CYP39A1: variants seen among roughly 807,000 people sequenced by gnomAD.
The protein encoded by CYP39A1 is cytochrome P450 family 39 subfamily A member 1.
CYP39A1 carries 49 observed loss-of-function variants against 58.1 expected under a neutral mutation model. The observed-to-expected ratio is 0.84, with a 90% CI of 0.67 to 1.07. The LOEUF (loss-of-function observed/expected upper bound fraction) is 1.07. Ranked by LOEUF, CYP39A1 falls within the 50% of genes least tolerant of loss-of-function variation. The pLI is 0.00. For synonymous variants in CYP39A1, 209 were observed against 187.6 expected, an observed-to-expected ratio of 1.11 and a Z score of -0.93; for missense variants, 531 against 539.4, an observed-to-expected ratio of 0.98 and a Z score of 0.16.
intron 7 of CYP39A1, among the ~76,000 whole-genome samples, chr6:46,607,464 TAC>T (rs3839568): frequency 9.6e-4 from 139 of 145,048 alleles, no homozygotes; most frequent in Middle Eastern, 3.5e-3. Context: ...CCCTTCCCCC[TAC>T]ACACACACAC....
chr6:46,649,253 C>T (rs946475425), intron 1 of CYP39A1, among the ~76,000 whole-genome samples: 1 of 152,180 alleles, frequency 6.6e-6, no homozygotes, highest in Admixed American at 6.5e-5. Flanking sequence ...GCCTTGTAGG[C>T]CTCTCTATAA....
chr6:46,629,873 C>T (rs1262603684), intron 6 of CYP39A1, among the ~76,000 whole-genome samples: 1 of 151,614 alleles, frequency 6.6e-6, no homozygotes, highest in Non-Finnish European at 1.5e-5. Flanking sequence ...AAACTGTTGG[C>T]ACTGAACATG....
chr6:46,613,313 C>T (rs1255091709), intron 7 of CYP39A1, among the ~76,000 whole-genome samples: 1 of 152,112 alleles, frequency 6.6e-6, no homozygotes, highest in Non-Finnish European at 1.5e-5. Context: ...ACAGTGGTAC[C>T]AAAAACCACT....
At chr6:46,611,980 A>C (rs1189849822) in intron 7 of CYP39A1, among the ~76,000 whole-genome samples, 3 of 152,248 alleles carry the variant, frequency 2.0e-5, no homozygotes, top group Non-Finnish European at 2.9e-5. Context: ...TTGTGTCTAA[A>C]TGAAAAAATG....
intron 6 of CYP39A1, among the ~76,000 whole-genome samples, chr6:46,626,647 C>T (rs1270296921): frequency 1.3e-5 from 2 of 152,110 alleles, no homozygotes; most frequent in African/African-American, 4.8e-5. Context: ...CAAGGGTCCT[C>T]AATTTAGAGG....
intron 10 of CYP39A1, among the ~76,000 whole-genome samples, chr6:46,575,841 C>G (rs1372733001): frequency 6.6e-6 from 1 of 152,214 alleles, no homozygotes; most frequent in East Asian, 1.9e-4. Context: ...TGAAAATATC[C>G]AGATATGAAG....
intron 7 of CYP39A1, among the ~76,000 whole-genome samples, chr6:46,622,602 T>C (rs538708281): frequency 1.3e-5 from 2 of 152,100 alleles, no homozygotes; most frequent in Admixed American, 6.6e-5. Flanking sequence ...AGTGAGACCC[T>C]GTTGCTAAAA....
chr6:46,572,300 T>G (rs781060642), intron 10 of CYP39A1, among the ~76,000 whole-genome samples: 28 of 152,168 alleles, frequency 1.8e-4, no homozygotes, highest in Non-Finnish European at 3.4e-4. Flanking sequence ...TATTAATTTG[T>G]GTCCTTTCAT....
intron 8 of CYP39A1, among the ~76,000 whole-genome samples, chr6:46,591,894 G>A (rs114636449): frequency 1.6e-4 from 25 of 152,008 alleles, no homozygotes; most frequent in African/African-American, 5.8e-4. Context: ...CTGAACATCT[G>A]GTCTGACACC....
intron 5 of CYP39A1, among the ~76,000 whole-genome samples, chr6:46,633,359 G>C (rs1775772286): frequency 6.6e-6 from 1 of 152,000 alleles, no homozygotes; most frequent in Admixed American, 6.5e-5. Flanking sequence ...AAAAACACTA[G>C]TTTAAGATAT....
At chr6:46,594,660 GT>G (rs1402318906) in intron 8 of CYP39A1, among the ~76,000 whole-genome samples, 1 of 151,846 alleles carries the variant, frequency 6.6e-6, no homozygotes, top group African/African-American at 2.4e-5. Context: ...AAAATCAACT[GT>G]AATAGATTAA....
At chr6:46,608,802 C>CG (rs1232647453) in intron 7 of CYP39A1, among the ~76,000 whole-genome samples, 4 of 151,724 alleles carry the variant, frequency 2.6e-5, no homozygotes, top group African/African-American at 4.8e-5. Context: ...TTAGTAGAGA[C>CG]GGGGTTTCAC....
chr6:46,562,554 G>A (rs1452311764), intron 10 of CYP39A1, among the ~76,000 whole-genome samples: 1 of 151,790 alleles, frequency 6.6e-6, no homozygotes, highest in Non-Finnish European at 1.5e-5. Flanking sequence ...GATCACTTGA[G>A]CTCAGGAGTT....
intron 10 of CYP39A1, among the ~76,000 whole-genome samples, chr6:46,571,093 GAT>G (rs1455629076): frequency 6.6e-6 from 1 of 152,166 alleles, no homozygotes; most frequent in East Asian, 1.9e-4. Flanking sequence ...AAGGGCACTT[GAT>G]ATGCCTTCAA....
At chr6:46,563,061 A>T (rs987650349) in intron 10 of CYP39A1, among the ~76,000 whole-genome samples, 16 of 151,786 alleles carry the variant, frequency 1.1e-4, no homozygotes, top group Non-Finnish European at 2.2e-4. Context: ...AAATATTTGG[A>T]TATTCTAATA....
At chr6:46,623,645 T>C (rs1384725247) in intron 7 of CYP39A1, among the ~76,000 whole-genome samples, 1 of 152,194 alleles carries the variant, frequency 6.6e-6, no homozygotes, top group Non-Finnish European at 1.5e-5. Flanking sequence ...TCTTTATCTA[T>C]GTATCTATTT....
chr6:46,598,477 C>T (rs1431576011), intron 7 of CYP39A1, among the ~76,000 whole-genome samples: 2 of 152,130 alleles, frequency 1.3e-5, no homozygotes, highest in African/African-American at 4.8e-5. Context: ...CAACTGAAAA[C>T]TGTCTTGATA....
rs574211821 is a variant in CYP39A1, at chr6:46,639,928, A to C, written c.314-260T>G. 7.9e-5 allele frequency among the ~76,000 whole-genome samples: 12 copies of C among 152,326 alleles called. No individual in the cohort carries two copies. In the East Asian group the frequency reaches 2.3e-3, roughly 29 times the overall value. On this transcript the variant is annotated intron_variant, in intron 2 of 11. Coordinates refer to ENST00000275016, the MANE Select transcript of CYP39A1 (RefSeq NM_016593.5). Reference sequence around the variant, plus strand: ...TCAGAAGTTCCAGACCAGCCTGACCAACATGGTGAAACCCTGTCTCTACTA... The same window carrying C: ...TCAGAAGTTCCAGACCAGCCTGACCCACATGGTGAAACCCTGTCTCTACTA...
chr6:46,572,842 T>C (rs1464707393), intron 10 of CYP39A1, among the ~76,000 whole-genome samples: 2 of 152,104 alleles, frequency 1.3e-5, no homozygotes, highest in African/African-American at 4.8e-5. Context: ...TAGGTTTACT[T>C]TACTCTTTTC....
Sources: gnomAD v4.1 joint callset for allele counts (sites outside exome capture counted in the v4.1 genomes callset) on GRCh38, gnomAD v4.1.1 for gene constraint, MANE v1.5 for transcripts, NCBI Gene and HGNC (gene_info 2026-07-23, HGNC 2026-07-21) for gene names.